Variants in NOP9 observed in about 807,000 individuals in gnomAD.
NOP9 encodes the protein nucleolar protein 9.
In NOP9, 50 loss-of-function variants were observed where a neutral mutation model predicts 63.0. That is an observed-to-expected ratio of 0.79 (90% CI 0.63 to 1.00). The LOEUF (loss-of-function observed/expected upper bound fraction) is 1.00. Among genes scored for constraint, NOP9 ranks in the 50% least tolerant of loss-of-function variants. NOP9 has a pLI of 0.00. For synonymous variants in NOP9, 343 were observed against 332.8 expected (o/e 1.03, Z -0.33); for missense variants, 758 against 803.0 (o/e 0.94, Z 0.68).
the NOP9 span, among the ~76,000 whole-genome samples, chr14:24,289,121 C>T: frequency 1.8e-4 from 27 of 150,310 alleles, no homozygotes; most frequent in African/African-American, 4.2e-4. Flanking sequence ...GGACTACAGA[C>T]GCCCGCCACC....
chr14:24,271,496 G>A, the NOP9 span: 1 of 187,934 alleles, frequency 5.3e-6, no homozygotes, highest in Non-Finnish European at 1.1e-5. Flanking sequence ...CCTGCGCTGG[G>A]AGGAGGCGCG....
At chr14:24,288,189 T>C in the NOP9 span, among the ~76,000 whole-genome samples, 1 of 152,278 alleles carries the variant, frequency 6.6e-6, no homozygotes, top group African/African-American at 2.4e-5. Flanking sequence ...CTGCCTTCAA[T>C]AAATGGAAGG....
At chr14:24,297,727 A>G (rs1004825039), upstream of NOP9, among the ~76,000 whole-genome samples, 1 of 151,440 alleles carries the variant, frequency 6.6e-6, no homozygotes, top group African/African-American at 2.4e-5. Context: ...CTCACTCACT[A>G]CTCTTCCCTT....
At chr14:24,290,702 A>C in the NOP9 span, 4 of 845,092 alleles carry the variant, frequency 4.7e-6, no homozygotes, top group Non-Finnish European at 5.5e-6. Flanking sequence ...GAAGGGACCT[A>C]GGCGCACCCC....
At chr14:24,304,446 T>C (rs2041440200) in intron 8 of NOP9, 47 bp from the exon 9 acceptor site, 1 of 1,508,868 alleles carries the variant, frequency 6.6e-7, no homozygotes, top group African/African-American at 1.4e-5. Context: ...TCCAAAATAC[T>C]TTTGTGGATT....
upstream of NOP9, chr14:24,299,271 G>A: frequency 5.3e-6 from 4 of 759,712 alleles, no homozygotes; most frequent in Non-Finnish European, 8.2e-6. Context: ...GGAGTCAGAG[G>A]CTGACAACTG....
At chr14:24,279,415 G>A in the NOP9 span, among the ~76,000 whole-genome samples, 1 of 152,198 alleles carries the variant, frequency 6.6e-6, no homozygotes, top group Admixed American at 6.5e-5. Flanking sequence ...CGTGCCTGTA[G>A]CACACTTCCT....
the NOP9 span, chr14:24,293,850 T>C: frequency 6.6e-6 from 1 of 151,988 alleles, no homozygotes; most frequent in Admixed American, 6.6e-5. Flanking sequence ...TAAATTAAAA[T>C]GTACAAGACA....
At position 24,305,934 on chromosome 14, in the gene NOP9, G is replaced by A; in HGVS notation, c.*839G>A. ...TGTAGGGGATGGGGCAGTATGACAT[G>A]TTGATTTCTGACCTGAGTACTTTCT... On this transcript the variant is annotated 3_prime_UTR_variant, in exon 10 of 10. Transcript: ENST00000267425. 6.8e-6 allele frequency: 11 copies of A among 1,610,656 alleles called. No homozygotes were observed. Among genetic ancestry groups the A allele is most frequent in the Non-Finnish European group, 9.3e-6 (11 of 1,177,874 alleles).
chr14:24,302,527 C>T (rs2041396889), intron 5 of NOP9, 103 bp downstream of exon 5: 3 of 1,155,976 alleles, frequency 2.6e-6, no homozygotes, highest in Non-Finnish European at 3.6e-6. Flanking sequence ...TTGTGCTGGC[C>T]ATTGCCCTTG....
At chr14:24,298,775 TGGC>T (rs1458077815), upstream of NOP9, 2 of 830,166 alleles carry the variant, frequency 2.4e-6, no homozygotes, top group Non-Finnish European at 3.5e-6. Context: ...AAAACTCACT[TGGC>T]GGCAAAATTC....
chr14:24,307,538 A>G lies in NOP9; in HGVS notation c.*2443A>G. Reference sequence around the variant, plus strand: ...GACCTGGTAGTTGAGAAGAAAAGTCAAGAAGGGGCGAGGAGGGGCTTGGTG... The same window carrying G: ...GACCTGGTAGTTGAGAAGAAAAGTCGAGAAGGGGCGAGGAGGGGCTTGGTG... On this transcript the variant is annotated 3_prime_UTR_variant, in exon 10 of 10. Coordinates refer to ENST00000267425, the MANE Select transcript of NOP9 (RefSeq NM_174913.3). 3.1e-6 allele frequency: 5 copies of G among 1,609,800 alleles called. No homozygotes were observed. The highest frequency in any genetic ancestry group is 2.2e-5 in the East Asian group (1 of 44,790).
At position 24,307,485 on chromosome 14, in the gene NOP9, T is replaced by A. The variant is rs1416259890; in HGVS notation, c.*2390T>A. 1.9e-6 allele frequency: 3 copies of A among 1,613,832 alleles called. No individual in the cohort carries two copies. The African/African-American group carries it at 4.0e-5, about 22-fold the overall frequency. On this transcript the variant is annotated 3_prime_UTR_variant, in exon 10 of 10. Coordinates refer to ENST00000267425, the MANE Select transcript of NOP9 (RefSeq NM_174913.3). The stretch of plus-strand genomic sequence containing the variant: ...GTGGAGCTGAGGTCCAGACCCTCCG[T>A]CCAAACTCCGAGCTTATATTAGATA...
the NOP9 span, chr14:24,291,807 G>T: frequency 1.5e-6 from 1 of 656,050 alleles, no homozygotes; most frequent in Non-Finnish European, 2.7e-6. Flanking sequence ...CCCACATCCA[G>T]GTGAGCCCTG....
chr14:24,272,416 A>G, the NOP9 span, among the ~76,000 whole-genome samples: 2 of 152,194 alleles, frequency 1.3e-5, no homozygotes, highest in African/African-American at 4.8e-5. Context: ...TATGTTTTCT[A>G]TTGTAGTGAA....
the NOP9 span, among the ~76,000 whole-genome samples, chr14:24,283,127 G>A: frequency 1.3e-5 from 2 of 152,330 alleles, no homozygotes; most frequent in East Asian, 3.9e-4. Context: ...CCCTCTTAAA[G>A]TGCTGTCTTG....
rs1232822490 is a variant in NOP9, at chr14:24,305,407, A to G, written c.*312A>G. ...ATCTTGGCCTTTCAGGGCAAGTGGG[A>G]GGCCAGAAAGGTGGCTAGGAAAGAA... On this transcript the variant is annotated 3_prime_UTR_variant, in exon 10 of 10. Coordinates refer to ENST00000267425, the MANE Select transcript of NOP9 (RefSeq NM_174913.3). 3 of 602,162 alleles carry G rather than the reference A, an allele frequency of 5.0e-6. No individual in the cohort carries two copies. The highest frequency in any genetic ancestry group is 6.0e-5 in the East Asian group (2 of 33,234). The allele number at this position is 602,162 out of a possible 1,614,324, so 37.3% of individuals were successfully genotyped here. A position where few individuals can be genotyped will look rare whatever the true frequency, so the allele number is the denominator to read the frequency against.
upstream of NOP9, among the ~76,000 whole-genome samples, chr14:24,296,238 T>A (rs1594608863): frequency 6.6e-6 from 1 of 152,348 alleles, no homozygotes; most frequent in East Asian, 1.9e-4. Flanking sequence ...GCTTCCTCCC[T>A]TCTGGGTCTT....
the NOP9 span, chr14:24,291,904 G>T: frequency 5.0e-6 from 3 of 601,102 alleles, no homozygotes; most frequent in African/African-American, 5.6e-5. Context: ...GCTAGCTGGT[G>T]TGGGGGTCAA....
Sources: gnomAD v4.1 joint callset for allele counts (sites outside exome capture counted in the v4.1 genomes callset) on GRCh38, gnomAD v4.1.1 for gene constraint, MANE v1.5 for transcripts, NCBI Gene and HGNC (gene_info 2026-07-23, HGNC 2026-07-21) for gene names.